SNX13: variants seen among roughly 807,000 people sequenced by gnomAD.
SNX13 encodes sorting nexin-13.
SNX13 carries 45 observed loss-of-function variants against 133.6 expected under a neutral mutation model. The ratio of observed to expected loss-of-function variants is 0.34; its 90% CI spans 0.27 to 0.43. The LOEUF (loss-of-function observed/expected upper bound fraction) is 0.43. Ranked by LOEUF, SNX13 falls within the 20% of genes least tolerant of loss-of-function variation. SNX13 has a pLI of 1.00. For synonymous variants in SNX13, 414 were observed against 373.9 expected (o/e 1.11, Z -1.24); for missense variants, 1,032 against 1,145.1 (o/e 0.90, Z 1.43).
chr7:17,882,876 A>G, intron 5 of SNX13: 1 of 1,280,184 alleles, frequency 7.8e-7, no homozygotes, highest in Non-Finnish European at 1.0e-6. Flanking sequence ...ACAGGGTTCC[A>G]GGAAGCGGAG....
chr7:17,814,286 G>A (rs545621659), intron 20 of SNX13, among the ~76,000 whole-genome samples: 4 of 152,090 alleles, frequency 2.6e-5, no homozygotes, highest in Non-Finnish European at 5.9e-5. Flanking sequence ...GTAGAGCAGG[G>A]ATCTGAAACA....
Position 17,824,980 on chromosome 7 carries a change from G to T in SNX13, c.1705+1042C>A, listed in dbSNP as rs575511804. On this transcript the variant is annotated intron_variant, in intron 17 of 25. Transcript: ENST00000428135. ...AGATGGGGTTTCACCATGTTGGCCA[G>T]TATGGTCTCAATATCTTGACCTCGT... Among the ~76,000 whole-genome samples, 185 of 152,212 alleles carry T rather than the reference G, an allele frequency of 1.2e-3. 1 individual carries two copies. The highest frequency in any genetic ancestry group is 1.4e-3 in the Non-Finnish European group (97 of 68,012).
At chr7:17,830,850 A>AT in intron 15 of SNX13, 3 of 984,324 alleles carry the variant, frequency 3.0e-6, no homozygotes, top group Non-Finnish European at 3.6e-6. Flanking sequence ...TTATATATGA[A>AT]TTTGGTTCTC....
chr7:17,911,766 T>C (rs1271323644), intron 1 of SNX13, among the ~76,000 whole-genome samples: 3 of 152,180 alleles, frequency 2.0e-5, no homozygotes, highest in African/African-American at 4.8e-5. Flanking sequence ...ATTAAGATTA[T>C]TATCTTTTAG....
intron 17 of SNX13, among the ~76,000 whole-genome samples, chr7:17,825,493 A>C (rs186763657): frequency 2.3e-3 from 344 of 152,326 alleles, no homozygotes; most frequent in African/African-American, 6.2e-3. Flanking sequence ...ACTCAATAGC[A>C]ATGATGAAAA....
At chr7:17,831,877 C>T (rs1788532052) in intron 15 of SNX13, 1 of 984,052 alleles carries the variant, frequency 1.0e-6, no homozygotes, top group Non-Finnish European at 1.2e-6. Flanking sequence ...AAACCAGTGG[C>T]CTAAAACCTA....
At chr7:17,887,924 G>C (rs978447864) in intron 5 of SNX13, among the ~76,000 whole-genome samples, 1 of 151,584 alleles carries the variant, frequency 6.6e-6, no homozygotes, top group African/African-American at 2.4e-5. Flanking sequence ...AGGACTGTAA[G>C]TTAAAGAATA....
At chr7:17,830,797 T>C (rs927757662) in intron 15 of SNX13, 86 of 983,130 alleles carry the variant, frequency 8.7e-5, no homozygotes, top group Non-Finnish European at 1.0e-4. Flanking sequence ...GGTAAAGCAA[T>C]ATTCATACAC....
intron 20 of SNX13, among the ~76,000 whole-genome samples, chr7:17,813,142 T>C (rs1370778527): frequency 6.6e-6 from 1 of 152,060 alleles, no homozygotes; most frequent in African/African-American, 2.4e-5. Context: ...AAAAGTGTTG[T>C]ATAACTGTTG....
intron 22 of SNX13, among the ~76,000 whole-genome samples, chr7:17,800,320 G>C (rs2128285484): frequency 6.7e-6 from 1 of 150,134 alleles, no homozygotes; most frequent in East Asian, 1.9e-4. Flanking sequence ...GAAACAGAAA[G>C]GAGATAATTA....
chr7:17,937,515 A>C (rs1472591241), intron 1 of SNX13, among the ~76,000 whole-genome samples: 3 of 7,500 alleles, frequency 4.0e-4, no homozygotes, highest in Non-Finnish European at 8.3e-4. Context: ...CTCCGTCTCA[A>C]AAAAAAAAAA....
At chr7:17,808,091 C>A (rs1353884151) in intron 20 of SNX13, among the ~76,000 whole-genome samples, 1 of 152,172 alleles carries the variant, frequency 6.6e-6, no homozygotes, top group Non-Finnish European at 1.5e-5. Flanking sequence ...AGGAACAAAA[C>A]TGGATGGAGA....
At chr7:17,910,807 T>A (rs1315018267) in intron 1 of SNX13, among the ~76,000 whole-genome samples, 1 of 152,212 alleles carries the variant, frequency 6.6e-6, no homozygotes, top group East Asian at 1.9e-4. Context: ...AGGCCACAGT[T>A]TGTGTGATTT....
intron 1 of SNX13, among the ~76,000 whole-genome samples, chr7:17,914,478 A>G (rs1387911094): frequency 6.6e-6 from 1 of 152,190 alleles, no homozygotes; most frequent in East Asian, 1.9e-4. Context: ...GCAGCTAGAG[A>G]AAAGAGCCAT....
rs559020824 is a variant in SNX13, at chr7:17,844,022, A to G, written c.1165+1573T>C. ...TAACTTTACAACATAAAGAAATAGAAAAAGAACAAATTAAACCCAAAGCTA... is the reference window on the plus strand; with the variant it reads ...TAACTTTACAACATAAAGAAATAGAGAAAGAACAAATTAAACCCAAAGCTA... On this transcript the variant is annotated intron_variant, in intron 12 of 25. Transcript: ENST00000428135. Among the ~76,000 whole-genome samples, 214 of 152,164 alleles carry G rather than the reference A, an allele frequency of 1.4e-3. No individual in the cohort carries two copies. The Middle Eastern group carries it at 0.017, about 12-fold the overall frequency.
At chr7:17,801,040 A>ATATATATATATATATG in intron 22 of SNX13, among the ~76,000 whole-genome samples, 1 of 23,592 alleles carries the variant, frequency 4.2e-5, no homozygotes, top group African/African-American at 1.3e-4. Context: ...ATATATATAT[A>ATATATATATATATATG]TATATATATA....
intron 1 of SNX13, among the ~76,000 whole-genome samples, chr7:17,938,313 G>A (rs1802343890): frequency 6.6e-6 from 1 of 152,148 alleles, no homozygotes; most frequent in African/African-American, 2.4e-5. Flanking sequence ...TGAGCAAAAC[G>A]GTCAGAGCTC....
chr7:17,821,773 A>C, intron 17 of SNX13, 125 bp from the exon 18 acceptor site: 1 of 1,101,196 alleles, frequency 9.1e-7, no homozygotes, highest in Non-Finnish European at 1.3e-6. Context: ...ATGAAGAAGA[A>C]TCTGAAATGA....
intron 8 of SNX13, among the ~76,000 whole-genome samples, chr7:17,871,275 G>C (rs1265455338): frequency 2.0e-5 from 3 of 152,134 alleles, no homozygotes; most frequent in Non-Finnish European, 4.4e-5. Context: ...AAAGTGCTGG[G>C]ATCACAGGCG....
Sources: gnomAD v4.1 joint callset for allele counts (sites outside exome capture counted in the v4.1 genomes callset) on GRCh38, gnomAD v4.1.1 for gene constraint, MANE v1.5 for transcripts, NCBI Gene and HGNC (gene_info 2026-07-23, HGNC 2026-07-21) for gene names.